Variants in SNTG1 observed in about 807,000 individuals in gnomAD.
The protein encoded by SNTG1 is syntrophin gamma 1.
A neutral mutation model predicts 74.7 loss-of-function variants in SNTG1; 39 were observed. The ratio of observed to expected loss-of-function variants is 0.52; its 90% confidence interval spans 0.40 to 0.68. SNTG1 has a LOEUF of 0.68. Among genes scored for constraint, SNTG1 ranks in the 30% least tolerant of loss-of-function variants. The probability of loss-of-function intolerance (pLI) is 0.00; values close to 1 mark genes in which losing one functional copy is unlikely to be tolerated. For synonymous variants in SNTG1, 254 were observed against 217.1 expected, an observed-to-expected ratio of 1.17 and a Z score of -1.49; for missense variants, 685 against 609.5, an observed-to-expected ratio of 1.12 and a Z score of -1.30.
intron 2 of SNTG1, among the ~76,000 whole-genome samples, chr8:50,305,454 T>C (rs1015225194): frequency 3.3e-5 from 5 of 152,060 alleles, no homozygotes; most frequent in African/African-American, 1.2e-4. Flanking sequence ...ATTATTCAAA[T>C]ACAAATTTTA....
At chr8:49,958,715 A>G (rs115325475) in intron 1 of SNTG1, among the ~76,000 whole-genome samples, 2,055 of 152,334 alleles carry the variant, frequency 0.013, 42 homozygotes, top group African/African-American at 0.044. Flanking sequence ...CACTACGCCC[A>G]GCCAACATTT....
chr8:50,239,543 A>G (rs1431443214), intron 2 of SNTG1, among the ~76,000 whole-genome samples: 1 of 152,118 alleles, frequency 6.6e-6, no homozygotes, highest in East Asian at 1.9e-4. Context: ...CCCATAATCC[A>G]ATTACTCAGT....
chr8:50,025,467 T>C (rs916323655), intron 1 of SNTG1, among the ~76,000 whole-genome samples: 1 of 152,150 alleles, frequency 6.6e-6, no homozygotes, highest in African/African-American at 2.4e-5. Flanking sequence ...GATGATGTGA[T>C]AGCCACCAGG....
chr8:50,462,530 C>T (rs185464828), intron 8 of SNTG1, among the ~76,000 whole-genome samples: 317 of 152,182 alleles, frequency 2.1e-3, no homozygotes, highest in Admixed American at 4.5e-3. Context: ...AAAAATTTTC[C>T]GTAATGTGAT....
intron 17 of SNTG1, among the ~76,000 whole-genome samples, chr8:50,733,050 G>A (rs2095516748): frequency 1.3e-5 from 2 of 151,856 alleles, no homozygotes; most frequent in Admixed American, 6.6e-5. Flanking sequence ...TGTGAGCATA[G>A]TACCTGATAG....
At chr8:50,773,608 A>G (rs2095632786) in intron 18 of SNTG1, among the ~76,000 whole-genome samples, 1 of 152,096 alleles carries the variant, frequency 6.6e-6, no homozygotes, top group South Asian at 2.1e-4. Context: ...GGAAAACATC[A>G]ACAACAAACT....
At chr8:50,217,846 CTGTGGA>C (rs1347353644) in intron 2 of SNTG1, among the ~76,000 whole-genome samples, 2 of 151,792 alleles carry the variant, frequency 1.3e-5, no homozygotes, top group Non-Finnish European at 2.9e-5. Flanking sequence ...AAAGCAGAGT[CTGTGGA>C]TGTGAGGATG....
At chr8:50,560,395 T>TC (rs1365968536) in intron 12 of SNTG1, among the ~76,000 whole-genome samples, 1 of 152,196 alleles carries the variant, frequency 6.6e-6, no homozygotes, top group Admixed American at 6.5e-5. Flanking sequence ...TATAAATCAT[T>TC]CTATTATAAA....
At chr8:50,276,982 A>G (rs574684924) in intron 2 of SNTG1, among the ~76,000 whole-genome samples, 265 of 151,992 alleles carry the variant, frequency 1.7e-3, no homozygotes, top group Non-Finnish European at 2.7e-3. Flanking sequence ...GGCACCCACC[A>G]CCACGCCTGG....
intron 2 of SNTG1, among the ~76,000 whole-genome samples, chr8:50,246,718 T>A (rs2129792172): frequency 6.6e-6 from 1 of 152,226 alleles, no homozygotes; most frequent in African/African-American, 2.4e-5. Flanking sequence ...GGTAACTTTC[T>A]CAAATCACTC....
chr8:50,057,786 T>C (rs1356443979), intron 1 of SNTG1, among the ~76,000 whole-genome samples: 1 of 152,080 alleles, frequency 6.6e-6, no homozygotes, highest in African/African-American at 2.4e-5. Flanking sequence ...GTTAGGCCCT[T>C]TCATGTCAGC....
intron 1 of SNTG1, among the ~76,000 whole-genome samples, chr8:49,960,438 C>T (rs1056163260): frequency 2.0e-5 from 3 of 152,026 alleles, no homozygotes; most frequent in African/African-American, 7.2e-5. Flanking sequence ...GCATAATATA[C>T]AGAATTGATT....
chr8:50,311,459 CT>C (rs2090109803), intron 2 of SNTG1, among the ~76,000 whole-genome samples: 1 of 152,090 alleles, frequency 6.6e-6, no homozygotes, highest in African/African-American at 2.4e-5. Flanking sequence ...GACAGAAAGC[CT>C]TTTCTTAACA....
chr8:50,719,212 G>C lies in SNTG1; in HGVS notation c.1284+10234G>C, dbSNP rs563663796. On this transcript the variant is annotated intron_variant, in intron 17 of 18. Transcript: ENST00000642720. Reference sequence around the variant, plus strand: ...GTGTTCCTTCAAAATTCATACATTAGAACCTAATACCTCATGTGATAGCAT... The same window carrying C: ...GTGTTCCTTCAAAATTCATACATTACAACCTAATACCTCATGTGATAGCAT... 3.2e-4 allele frequency among the ~76,000 whole-genome samples: 48 copies of C among 152,254 alleles called. No homozygotes were observed. In the Middle Eastern group the frequency reaches 0.017, roughly 54 times the overall value.
chr8:50,780,011 A>C (rs1315403010), intron 18 of SNTG1, among the ~76,000 whole-genome samples: 1 of 152,066 alleles, frequency 6.6e-6, no homozygotes, highest in Admixed American at 6.6e-5. Context: ...ACATTTATTG[A>C]TTTGTGTATA....
intron 13 of SNTG1, among the ~76,000 whole-genome samples, chr8:50,603,363 C>A (rs890729502): frequency 6.6e-6 from 1 of 152,152 alleles, no homozygotes; most frequent in East Asian, 1.9e-4. Flanking sequence ...TTCTTTTAAA[C>A]CATTTCAATC....
intron 15 of SNTG1, among the ~76,000 whole-genome samples, chr8:50,701,092 TAAC>T (rs1252238472): frequency 6.6e-6 from 1 of 152,002 alleles, no homozygotes; most frequent in African/African-American, 2.4e-5. Context: ...AAGGAAAAAA[TAAC>T]AAAATTTTCT....
At chr8:50,607,415 A>G (rs570387357) in intron 13 of SNTG1, among the ~76,000 whole-genome samples, 19 of 151,786 alleles carry the variant, frequency 1.3e-4, no homozygotes, top group African/African-American at 4.1e-4. Context: ...CAAGTTATCA[A>G]ATTTATTTTT....
At chr8:49,920,533 C>A (rs1285108330) in intron 1 of SNTG1, among the ~76,000 whole-genome samples, 3 of 152,064 alleles carry the variant, frequency 2.0e-5, no homozygotes, top group Middle Eastern at 3.4e-3. Context: ...CTTTAGATTG[C>A]AGTAAATAAA....
Sources: gnomAD v4.1 joint callset for allele counts (sites outside exome capture counted in the v4.1 genomes callset) on GRCh38, gnomAD v4.1.1 for gene constraint, MANE v1.5 for transcripts, NCBI Gene and HGNC (gene_info 2026-07-23, HGNC 2026-07-21) for gene names.